R3HDM2: variants seen among roughly 807,000 people sequenced by gnomAD.
The protein encoded by R3HDM2 is R3H domain-containing protein 2.
R3HDM2 carries 38 observed loss-of-function variants against 124.5 expected under a neutral mutation model. The observed-to-expected ratio is 0.31, with a 90% confidence interval of 0.24 to 0.40. The LOEUF is 0.40. R3HDM2 is among the 10% of genes least tolerant of loss of function. The pLI is 1.00. For missense variants in R3HDM2, 869 were observed against 1,236.9 expected, an observed-to-expected ratio of 0.70 and a Z score of 4.46; for synonymous variants, 391 against 448.0, an observed-to-expected ratio of 0.87 and a Z score of 1.61.
At chr12:57,373,669 G>A (rs1002212437) in intron 2 of R3HDM2, among the ~76,000 whole-genome samples, 1 of 151,696 alleles carries the variant, frequency 6.6e-6, no homozygotes, top group Non-Finnish European at 1.5e-5. Context: ...CTTAGCGGGG[G>A]GTGGTGGCGC....
chr12:57,422,581 A>G (rs1367893568), intron 1 of R3HDM2, among the ~76,000 whole-genome samples: 1 of 152,228 alleles, frequency 6.6e-6, no homozygotes, highest in Non-Finnish European at 1.5e-5. Flanking sequence ...GAGTTTTTGT[A>G]GGCCATAATC....
intron 2 of R3HDM2, among the ~76,000 whole-genome samples, chr12:57,371,669 ATGAG>A (rs2063405213): frequency 6.6e-6 from 1 of 152,204 alleles, no homozygotes; most frequent in Non-Finnish European, 1.5e-5. Flanking sequence ...CCTTTCCTAA[ATGAG>A]TAACATCAAT....
intron 1 of R3HDM2, among the ~76,000 whole-genome samples, chr12:57,413,904 G>T (rs1156934500): frequency 7.0e-6 from 1 of 142,680 alleles, no homozygotes; most frequent in African/African-American, 2.6e-5. Flanking sequence ...TGGAGTACGT[G>T]GCACGGTCTC....
chr12:57,385,302 G>C (rs1233782591), intron 2 of R3HDM2, among the ~76,000 whole-genome samples: 1 of 149,506 alleles, frequency 6.7e-6, no homozygotes, highest in African/African-American at 2.5e-5. Flanking sequence ...GAGTGCAATG[G>C]CGCAATCTGG....
At chr12:57,390,979 T>A in intron 2 of R3HDM2, among the ~76,000 whole-genome samples, 1 of 147,012 alleles carries the variant, frequency 6.8e-6, no homozygotes, top group East Asian at 2.0e-4. Flanking sequence ...GCCACTGCAC[T>A]CCAGCCTGGG....
chr12:57,288,925 C>A, intron 12 of R3HDM2, 84 bp downstream of exon 12: 1 of 1,551,136 alleles, frequency 6.4e-7, no homozygotes, highest in Non-Finnish European at 8.7e-7. Flanking sequence ...TGGTTAACAT[C>A]AAAGAAAAGC....
chr12:57,427,780 C>G (rs900878184), intron 1 of R3HDM2, among the ~76,000 whole-genome samples: 6 of 151,920 alleles, frequency 3.9e-5, no homozygotes, highest in African/African-American at 1.5e-4. Context: ...GCTTTGCCAT[C>G]CAGATAGCCA....
intron 2 of R3HDM2, among the ~76,000 whole-genome samples, chr12:57,379,409 T>C (rs1162751922): frequency 6.6e-6 from 1 of 151,972 alleles, no homozygotes; most frequent in Non-Finnish European, 1.5e-5. Context: ...GGAGAAACCC[T>C]GTCTCTACTA....
At chr12:57,322,308 C>T (rs754949613) in intron 2 of R3HDM2, among the ~76,000 whole-genome samples, 1 of 152,116 alleles carries the variant, frequency 6.6e-6, no homozygotes, top group Non-Finnish European at 1.5e-5. Context: ...CAAACAAACC[C>T]AAAAATTCCT....
chr12:57,381,544 CAAA>C (rs66778122), intron 2 of R3HDM2, among the ~76,000 whole-genome samples: 10 of 76,580 alleles, frequency 1.3e-4, no homozygotes, highest in Non-Finnish European at 1.4e-4. Flanking sequence ...GACTCCATCT[CAAA>C]AAAAAAAAAA....
intron 2 of R3HDM2, among the ~76,000 whole-genome samples, chr12:57,333,009 A>G (rs1327212796): frequency 1.3e-5 from 2 of 152,246 alleles, no homozygotes; most frequent in African/African-American, 2.4e-5. Flanking sequence ...CCCTTGACAT[A>G]AAGTGTAAGA....
intron 2 of R3HDM2, among the ~76,000 whole-genome samples, chr12:57,374,549 G>A (rs2063781450): frequency 6.6e-6 from 1 of 151,292 alleles, no homozygotes; most frequent in South Asian, 2.1e-4. Context: ...CAGGCATGGT[G>A]GCAGGTATCT....
At chr12:57,289,090 C>A in intron 11 of R3HDM2, 50 bp from the exon 12 acceptor site, 19 of 1,487,288 alleles carry the variant, frequency 1.3e-5, no homozygotes, top group Non-Finnish European at 1.7e-5. Context: ...AACAGCATGG[C>A]ATGACCGAAA....
chr12:57,294,393 G>A (rs1188289678), intron 10 of R3HDM2, among the ~76,000 whole-genome samples: 3 of 152,144 alleles, frequency 2.0e-5, no homozygotes, highest in South Asian at 4.2e-4. Flanking sequence ...GCTCTTTCTC[G>A]TTTTTTAAAT....
intron 14 of R3HDM2, among the ~76,000 whole-genome samples, chr12:57,271,161 C>T (rs750009162): frequency 1.3e-5 from 2 of 152,188 alleles, no homozygotes; most frequent in Non-Finnish European, 2.9e-5. Flanking sequence ...TGCTGCTTAT[C>T]TCCTTACTCC....
intron 18 of R3HDM2, 151 bp from the exon 19 acceptor site, chr12:57,266,982 C>T (rs550775669): frequency 7.0e-6 from 4 of 575,306 alleles, no homozygotes; most frequent in African/African-American, 3.8e-5. Context: ...TTTCTAAAAT[C>T]ACTCATCAGT....
chr12:57,386,117 C>T (rs1403339725), intron 2 of R3HDM2, among the ~76,000 whole-genome samples: 1 of 151,806 alleles, frequency 6.6e-6, no homozygotes, highest in Non-Finnish European at 1.5e-5. Flanking sequence ...TTTATGTTAA[C>T]ATGCAATAGG....
At chr12:57,392,557 T>G (rs1382417469) in intron 2 of R3HDM2, among the ~76,000 whole-genome samples, 1 of 152,080 alleles carries the variant, frequency 6.6e-6, no homozygotes, top group African/African-American at 2.4e-5. Flanking sequence ...AACCCTGACA[T>G]ATAGAAGAAC....
intron 1 of R3HDM2, among the ~76,000 whole-genome samples, chr12:57,423,148 G>A (rs1004256520): frequency 2.0e-5 from 3 of 152,012 alleles, no homozygotes; most frequent in Non-Finnish European, 4.4e-5. Flanking sequence ...GTGGCCGGGC[G>A]CGGTGGCTCA....
Sources: allele counts gnomAD v4.1 joint callset (sites outside exome capture counted in the v4.1 genomes callset), GRCh38; gene constraint gnomAD v4.1.1; transcripts MANE v1.5; gene names NCBI Gene and HGNC (gene_info 2026-07-23, HGNC 2026-07-21).